Variants in COL1A2 observed in about 807,000 individuals in gnomAD.
The protein encoded by COL1A2 is collagen type I alpha 2 chain, also known as collagen alpha-2(I) chain.
In COL1A2, 49 loss-of-function variants were observed where a neutral mutation model predicts 174.3. The ratio of observed to expected loss-of-function variants is 0.28; its 90% CI spans 0.22 to 0.36. The LOEUF (loss-of-function observed/expected upper bound fraction) is 0.36. COL1A2 is among the 10% of genes least tolerant of loss of function. The pLI is 1.00. For synonymous variants in COL1A2, 655 were observed against 606.6 expected (o/e 1.08, Z -1.17); for missense variants, 1,438 against 1,822.7 (o/e 0.79, Z 3.84).
intron 37 of COL1A2, 39 bp downstream of exon 37, chr7:94,420,687 C>T (rs1438997941): frequency 6.6e-7 from 1 of 1,514,572 alleles, no homozygotes; most frequent in African/African-American, 1.4e-5. Context: ...AGCAGCTACC[C>T]ATTAGATCTT....
chr7:94,410,411 A>G lies in COL1A2; in HGVS notation c.1090-9A>G, dbSNP rs1282237908. ...TACTCCCTCTTCTTTTGTTCTTTTCATTAAACAGGGCTCTGCTGGGCCCCA... is the reference window on the plus strand; with the variant it reads ...TACTCCCTCTTCTTTTGTTCTTTTCGTTAAACAGGGCTCTGCTGGGCCCCA... On this transcript the variant is annotated splice_polypyrimidine_tract_variant and intron_variant, in intron 20 of 51. Coordinates refer to ENST00000297268, the MANE Select transcript of COL1A2 (RefSeq NM_000089.4). The G allele has an allele frequency of 6.4e-7, 1 of 1,553,256 alleles. No homozygotes were observed.
intron 39 of COL1A2, 152 bp downstream of exon 39, chr7:94,422,104 G>T: frequency 1.7e-6 from 1 of 572,164 alleles, no homozygotes. Context: ...AACCATTAAG[G>T]TATTTCATCA....
intron 46 of COL1A2, 93 bp downstream of exon 46, chr7:94,426,623 T>A: frequency 1.1e-6 from 1 of 942,280 alleles, no homozygotes; most frequent in Non-Finnish European, 1.7e-6. Flanking sequence ...TGTTCCAGTA[T>A]AGCCTATATA....
intron 6 of COL1A2, 74 bp from the exon 7 acceptor site, chr7:94,404,482 G>T: frequency 6.8e-7 from 1 of 1,472,804 alleles, no homozygotes; most frequent in South Asian, 1.1e-5. Context: ...CTGCTAAGTT[G>T]GTCATATCTG....
intron 34 of COL1A2, 107 bp downstream of exon 34, chr7:94,419,658 C>A: frequency 8.1e-7 from 1 of 1,242,196 alleles, no homozygotes; most frequent in Non-Finnish European, 1.2e-6. Context: ...ATAAAGCCTA[C>A]TTATTTAAAA....
At chr7:94,408,304 T>G in intron 14 of COL1A2, 32 bp from the exon 15 acceptor site, 1 of 1,614,200 alleles carries the variant, frequency 6.2e-7, no homozygotes, top group Non-Finnish European at 8.5e-7. Context: ...CATTTAAGTT[T>G]CCACCTGATC....
chr7:94,399,385 C>T (rs1222704598), intron 4 of COL1A2, among the ~76,000 whole-genome samples: 2 of 152,226 alleles, frequency 1.3e-5, no homozygotes, highest in South Asian at 4.1e-4. Flanking sequence ...ATCTACCTAC[C>T]ACCACAGTCC....
chr7:94,409,576 G>T lies in COL1A2; in HGVS notation c.904G>T (p.Ala302Ser), dbSNP rs1791874881. 2 of 1,614,212 alleles carry T rather than the reference G, an allele frequency of 1.2e-6. No homozygotes were observed. The highest frequency in any genetic ancestry group is 8.5e-7 in the Non-Finnish European group (1 of 1,180,046). The change falls in exon 18 of 52, where the codon GCA (alanine) becomes TCA (serine). Residue 302 changes from alanine to serine, a missense_variant. By Grantham distance (99) the Ala-to-Ser change is moderately conservative (BLOSUM62 1). Transcript: ENST00000297268. ...GPVGPPGNPG[A>S]NGLTGAKGAA... ...CTTTTCCTCATAGGGTAATCCTGGA[G>T]CAAACGGCCTTACTGGTGCCAAGGG...
intron 30 of COL1A2, 114 bp from the exon 31 acceptor site, chr7:94,416,291 G>T: frequency 1.2e-6 from 1 of 848,972 alleles, no homozygotes; most frequent in Non-Finnish European, 1.9e-6. Flanking sequence ...ATTTTAATTT[G>T]CTAATAAATG....
rs1792394817 is a variant in COL1A2, at chr7:94,431,195, AT to A, written c.*803del. 1 of 152,668 alleles carries A rather than the reference AT, an allele frequency of 6.6e-6. No homozygotes were observed. The allele number at this position is 152,668 out of a possible 1,614,324, so 9.5% of individuals were successfully genotyped here. A position where few individuals can be genotyped will look rare whatever the true frequency, so the allele number is the denominator to read the frequency against. ...GATGTTTAAATAAATTGTGAAAAAA[AT>A]GAAATAAAGCATGTTTGGTTTTCCA... On this transcript the variant is annotated 3_prime_UTR_variant, in exon 52 of 52. Transcript: ENST00000297268.
intron 47 of COL1A2, 55 bp downstream of exon 47, chr7:94,427,116 A>G (rs1792295339): frequency 1.9e-6 from 3 of 1,610,062 alleles, no homozygotes; most frequent in Admixed American, 1.7e-5. Context: ...TAAAGCGAGC[A>G]GTGAGCCCCA....
chr7:94,414,659 A>G (rs1438001284), intron 29 of COL1A2, among the ~76,000 whole-genome samples: 1 of 152,146 alleles, frequency 6.6e-6, no homozygotes, highest in Non-Finnish European at 1.5e-5. Context: ...TTTTCTTGGC[A>G]TTCAGACATG....
At chr7:94,425,712 AC>A in intron 43 of COL1A2, 37 bp from the exon 44 acceptor site, 1 of 1,613,980 alleles carries the variant, frequency 6.2e-7, no homozygotes, top group South Asian at 1.1e-5. Context: ...TTAAAATGCA[AC>A]CCAGATTGAT....
rs187865993 is a variant in COL1A2 at position 94,400,343 on chromosome 7, T to A, written c.225+55T>A. 3 of 1,431,126 alleles carry A rather than the reference T, an allele frequency of 2.1e-6. No homozygotes were observed. In the South Asian group the frequency reaches 3.4e-5, roughly 16 times the overall value. The allele number at this position is 1,431,126 out of a possible 1,614,324, so 88.7% of individuals were successfully genotyped here. ...AGCTAACTTCAGTTGAAAGAAGGTT[T>A]ATTGTGGAATTTATTTTTAGCAGTT... On this transcript the variant is annotated intron_variant, in intron 5 of 51. Coordinates refer to ENST00000297268, the MANE Select transcript of COL1A2 (RefSeq NM_000089.4).
chr7:94,407,469 C>T (rs919740628), intron 12 of COL1A2, among the ~76,000 whole-genome samples: 1 of 152,046 alleles, frequency 6.6e-6, no homozygotes, highest in African/African-American at 2.4e-5. Flanking sequence ...AAAGTGATAA[C>T]ACTGAGTGTT....
At position 94,425,944 on chromosome 7, in the gene COL1A2, G is replaced by C. The variant is rs1031790047; in HGVS notation, c.2944-54G>C. 11 of 1,605,810 alleles carry C rather than the reference G, an allele frequency of 6.9e-6. No individual in the cohort carries two copies. In the African/African-American group the frequency reaches 1.1e-4, roughly 16 times the overall value. Reference sequence around the variant, plus strand: ...CCACACTTGGGGATGGTGGAGGAGTGGGGAGGGGTATCTTGGGCCTAGCTA... The same window carrying C: ...CCACACTTGGGGATGGTGGAGGAGTCGGGAGGGGTATCTTGGGCCTAGCTA... On this transcript the variant is annotated intron_variant, in intron 44 of 51. Coordinates refer to ENST00000297268, the MANE Select transcript of COL1A2 (RefSeq NM_000089.4).
intron 31 of COL1A2, chr7:94,416,877 A>G (rs1243953769): frequency 2.7e-5 from 5 of 188,000 alleles, no homozygotes; most frequent in African/African-American, 9.4e-5. Context: ...AATTTCAACA[A>G]GTAGTCTGAC....
chr7:94,400,091 C>G (rs1314146007), intron 4 of COL1A2, 105 bp from the exon 5 acceptor site: 1 of 999,720 alleles, frequency 1.0e-6, no homozygotes, highest in Admixed American at 1.7e-5. Context: ...AAATTTCCAC[C>G]CTACTTGCAC....
At chr7:94,422,819 A>G in intron 39 of COL1A2, 138 bp from the exon 40 acceptor site, 2 of 1,090,736 alleles carry the variant, frequency 1.8e-6, no homozygotes, top group Admixed American at 1.9e-5. Flanking sequence ...TAAAAACTAT[A>G]AATATTTCCC....
Sources: gnomAD v4.1 joint callset for allele counts (sites outside exome capture counted in the v4.1 genomes callset) on GRCh38, gnomAD v4.1.1 for gene constraint, MANE v1.5 for transcripts, NCBI Gene and HGNC (gene_info 2026-07-23, HGNC 2026-07-21) for gene names.